Variants in PHLDB2 observed in about 807,000 individuals in gnomAD.
PHLDB2 encodes the protein pleckstrin homology-like domain family B member 2.
PHLDB2 carries 71 observed loss-of-function variants against 123.6 expected under a neutral mutation model. That is an observed-to-expected ratio of 0.57 (90% confidence interval 0.47 to 0.70). The LOEUF is 0.70. Among genes scored for constraint, PHLDB2 ranks in the 30% least tolerant of loss-of-function variants. PHLDB2 has a pLI of 0.00. For synonymous variants in PHLDB2, 547 were observed against 541.6 expected, an observed-to-expected ratio of 1.01 and a Z score of -0.14; for missense variants, 1,446 against 1,519.5, an observed-to-expected ratio of 0.95 and a Z score of 0.80.
chr3:111,793,959 C>T (rs987312191), intron 1 of PHLDB2, among the ~76,000 whole-genome samples: 5 of 151,422 alleles, frequency 3.3e-5, no homozygotes, highest in African/African-American at 7.3e-5. Context: ...AGCTGAGAGC[C>T]GTGCTGCCTG....
chr3:111,829,566 C>T (rs572078453), intron 1 of PHLDB2, among the ~76,000 whole-genome samples: 14 of 149,406 alleles, frequency 9.4e-5, no homozygotes, highest in African/African-American at 1.7e-4. Context: ...TGGGTTCAAG[C>T]GATTCTCCTT....
At chr3:111,943,592 A>G (rs987711015) in intron 8 of PHLDB2, among the ~76,000 whole-genome samples, 4 of 152,212 alleles carry the variant, frequency 2.6e-5, no homozygotes, top group African/African-American at 9.6e-5. Flanking sequence ...AAAGTCTTGA[A>G]TAAAGATTTT....
At chr3:111,845,568 T>C (rs778605488) in intron 1 of PHLDB2, among the ~76,000 whole-genome samples, 1 of 152,118 alleles carries the variant, frequency 6.6e-6, no homozygotes, top group Non-Finnish European at 1.5e-5. Flanking sequence ...GTTTGCCAGA[T>C]TTGTCTATTC....
At chr3:111,898,174 GTGTGTGTT>G (rs1263318661) in intron 2 of PHLDB2, among the ~76,000 whole-genome samples, 7 of 112,124 alleles carry the variant, frequency 6.2e-5, no homozygotes, top group African/African-American at 1.7e-4. Context: ...GTGTGTGTGT[GTGTGTGTT>G]TGTGTGTGTG....
intron 13 of PHLDB2, among the ~76,000 whole-genome samples, chr3:111,964,217 T>G (rs16858948): frequency 0.12 from 18,119 of 152,170 alleles, 1,175 homozygotes; most frequent in South Asian, 0.23. Context: ...TGGCCACACG[T>G]AACTACTTGT....
At chr3:111,756,938 G>T (rs1392651555) in intron 1 of PHLDB2, among the ~76,000 whole-genome samples, 3 of 152,094 alleles carry the variant, frequency 2.0e-5, no homozygotes, top group Non-Finnish European at 4.4e-5. Context: ...GAAATTCTGG[G>T]TTGAAAATTC....
At chr3:111,864,859 C>A (rs116754809) in intron 1 of PHLDB2, among the ~76,000 whole-genome samples, 11 of 152,218 alleles carry the variant, frequency 7.2e-5, no homozygotes, top group African/African-American at 2.4e-4. Context: ...TCAGCTTTTT[C>A]TGAGACTTGC....
At chr3:111,770,606 C>G (rs1214294318) in intron 1 of PHLDB2, among the ~76,000 whole-genome samples, 2 of 152,082 alleles carry the variant, frequency 1.3e-5, no homozygotes, top group African/African-American at 4.8e-5. Flanking sequence ...ATTACCATAA[C>G]TTGTGTTATT....
intron 1 of PHLDB2, among the ~76,000 whole-genome samples, chr3:111,866,619 C>T (rs956357663): frequency 3.3e-5 from 5 of 152,140 alleles, no homozygotes; most frequent in East Asian, 1.9e-4. Context: ...TTAAAGTCCA[C>T]GGAGGTGGTT....
chr3:111,787,558 G>C (rs56086752), intron 1 of PHLDB2, among the ~76,000 whole-genome samples: 28,729 of 152,080 alleles, frequency 0.19, 2,841 homozygotes, highest in African/African-American at 0.23. Context: ...TTTCAAGCTA[G>C]AATTGGAGGG....
rs1260152162 is a variant in PHLDB2, at chr3:111,900,237, G to A, written c.1336-13082G>A. On this transcript the variant is annotated intron_variant, in intron 2 of 17. Coordinates refer to ENST00000431670, the MANE Select transcript of PHLDB2 (RefSeq NM_001134438.2). ...TGTTTCACTTTCTTATCATTTGTGC[G>A]TGAAGAATCACCTTTAATTTCCTTC... Among the ~76,000 whole-genome samples the A allele has an allele frequency of 1.8e-4, 28 of 152,172 alleles. 1 individual carries two copies. The highest frequency in any genetic ancestry group is 2.0e-4 in the Admixed American group (3 of 15,264).
intron 17 of PHLDB2, 77 bp downstream of exon 17, chr3:111,973,894 G>A: frequency 1.1e-6 from 1 of 890,986 alleles, no homozygotes; most frequent in African/African-American, 1.7e-5. Flanking sequence ...AGTCTAAGAA[G>A]TTTGAAATTG....
chr3:111,872,815 A>C (rs1392124377), intron 1 of PHLDB2, among the ~76,000 whole-genome samples: 1 of 152,180 alleles, frequency 6.6e-6, no homozygotes, highest in Non-Finnish European at 1.5e-5. Flanking sequence ...GTACCTTTTG[A>C]GTTGAATTGA....
At chr3:111,900,959 C>T (rs535098472) in intron 2 of PHLDB2, among the ~76,000 whole-genome samples, 20 of 151,950 alleles carry the variant, frequency 1.3e-4, no homozygotes, top group South Asian at 8.3e-4. Context: ...TGGCTTCAAG[C>T]GATCCTCCTG....
chr3:111,932,486 T>A, intron 6 of PHLDB2, 89 bp downstream of exon 6: 1 of 1,361,312 alleles, frequency 7.3e-7, no homozygotes, highest in South Asian at 1.5e-5. Context: ...TACGACTTCA[T>A]ATAGCATAAG....
chr3:111,768,909 G>A (rs1200359874), intron 1 of PHLDB2, among the ~76,000 whole-genome samples: 1 of 152,134 alleles, frequency 6.6e-6, no homozygotes, highest in Non-Finnish European at 1.5e-5. Context: ...TCATTGCCTG[G>A]GGAAGAGATT....
At chr3:111,830,511 A>G (rs997353057) in intron 1 of PHLDB2, among the ~76,000 whole-genome samples, 20 of 126,806 alleles carry the variant, frequency 1.6e-4, no homozygotes, top group African/African-American at 7.4e-4. Flanking sequence ...ACATGGCAAA[A>G]AAAAAAAAAA....
intron 1 of PHLDB2, among the ~76,000 whole-genome samples, chr3:111,738,618 G>A (rs1356996544): frequency 6.6e-6 from 1 of 151,936 alleles, no homozygotes; most frequent in East Asian, 1.9e-4. Context: ...CTATATTTGT[G>A]TGTATGTTAG....
intron 1 of PHLDB2, among the ~76,000 whole-genome samples, chr3:111,817,990 A>G (rs892731367): frequency 6.6e-6 from 1 of 152,008 alleles, no homozygotes; most frequent in African/African-American, 2.4e-5. Flanking sequence ...ATGGTGCCTT[A>G]TTTTATTCGT....
Sources: allele counts gnomAD v4.1 joint callset (sites outside exome capture counted in the v4.1 genomes callset), GRCh38; gene constraint gnomAD v4.1.1; transcripts MANE v1.5; gene names NCBI Gene and HGNC (gene_info 2026-07-23, HGNC 2026-07-21).